The following ACTN1 variants were observed in gnomAD, a reference collection of about 807,000 sequenced individuals.
ACTN1 encodes the protein actinin alpha 1.
A neutral mutation model predicts 119.6 loss-of-function variants in ACTN1; 30 were observed. The observed-to-expected ratio is 0.25, with a 90% CI of 0.19 to 0.34. The LOEUF is 0.34. Among genes scored for constraint, ACTN1 ranks in the 10% least tolerant of loss-of-function variants. The pLI, the probability that ACTN1 is intolerant of heterozygous loss-of-function variation, is 1.00. For synonymous variants in ACTN1, 429 were observed against 472.6 expected, an observed-to-expected ratio of 0.91 and a Z score of 1.20; for missense variants, 764 against 1,223.4, an observed-to-expected ratio of 0.62 and a Z score of 5.60.
At chr14:68,889,715 T>A (rs1262373869) in intron 11 of ACTN1, among the ~76,000 whole-genome samples, 2 of 152,050 alleles carry the variant, frequency 1.3e-5, no homozygotes, top group Non-Finnish European at 1.5e-5. Flanking sequence ...ACCCACGAAG[T>A]GGAGGTTGCA....
At chr14:68,943,454 C>A (rs2035830751) in intron 1 of ACTN1, among the ~76,000 whole-genome samples, 1 of 152,212 alleles carries the variant, frequency 6.6e-6, no homozygotes, top group Non-Finnish European at 1.5e-5. Flanking sequence ...CTGTTGCCCA[C>A]CAGCACCGGG....
At chr14:68,952,421 G>A (rs1226940419) in intron 1 of ACTN1, among the ~76,000 whole-genome samples, 1 of 152,240 alleles carries the variant, frequency 6.6e-6, no homozygotes, top group Admixed American at 6.5e-5. Flanking sequence ...TCCAGCTGCT[G>A]GAGGCTGCCT....
intron 3 of ACTN1, among the ~76,000 whole-genome samples, chr14:68,917,569 G>A (rs1253142814): frequency 2.0e-5 from 3 of 152,052 alleles, no homozygotes; most frequent in Admixed American, 6.6e-5. Flanking sequence ...TTTTATAATC[G>A]ACATCAATAA....
chr14:68,937,014 C>T, intron 1 of ACTN1: 1 of 324,716 alleles, frequency 3.1e-6, no homozygotes, highest in South Asian at 2.5e-5. Context: ...TCTCCCCTAA[C>T]CATTTCAACT....
At chr14:68,930,086 T>A (rs529960404) in intron 1 of ACTN1, among the ~76,000 whole-genome samples, 2 of 152,246 alleles carry the variant, frequency 1.3e-5, no homozygotes, top group Non-Finnish European at 2.9e-5. Context: ...TGTGATATAC[T>A]TCCTTTAAAA....
At chr14:68,936,695 G>A (rs2035534930) in intron 1 of ACTN1, 1 of 634,234 alleles carries the variant, frequency 1.6e-6, no homozygotes, top group Non-Finnish European at 3.0e-6. Context: ...TGGGCAAGAA[G>A]CCGGAGGAAA....
At chr14:68,881,951 T>TG in intron 16 of ACTN1, among the ~76,000 whole-genome samples, 1 of 107,490 alleles carries the variant, frequency 9.3e-6, no homozygotes, top group Non-Finnish European at 1.7e-5. Context: ...TTTTTTTTTT[T>TG]TTTTGACAGA....
At chr14:68,932,490 A>G (rs1307928070) in intron 1 of ACTN1, among the ~76,000 whole-genome samples, 2 of 146,564 alleles carry the variant, frequency 1.4e-5, no homozygotes, top group Non-Finnish European at 3.0e-5. Context: ...GTCCCTCTAG[A>G]GAACCCTGAC....
At chr14:68,881,222 C>T (rs1015555259) in intron 16 of ACTN1, 3 of 448,808 alleles carry the variant, frequency 6.7e-6, no homozygotes, top group Non-Finnish European at 1.2e-5. Flanking sequence ...GGATGAAATA[C>T]CTACCAACTC....
chr14:68,875,247 G>T, intron 21 of ACTN1: 2 of 1,189,414 alleles, frequency 1.7e-6, no homozygotes, highest in Non-Finnish European at 2.3e-6. Flanking sequence ...TACCTACTTT[G>T]TAAGCCACTT....
intron 1 of ACTN1, among the ~76,000 whole-genome samples, chr14:68,941,796 T>C (rs1032519172): frequency 2.6e-5 from 4 of 152,070 alleles, no homozygotes; most frequent in Non-Finnish European, 4.4e-5. Context: ...CATCAAGGGA[T>C]CATGGGGGAC....
At chr14:68,895,630 C>T (rs1278589317) in intron 8 of ACTN1, among the ~76,000 whole-genome samples, 2 of 152,230 alleles carry the variant, frequency 1.3e-5, no homozygotes, top group Non-Finnish European at 2.9e-5. Context: ...GCCACTCAAA[C>T]AGCTGAAACC....
At position 68,874,844 on chromosome 14, in the gene ACTN1, G is replaced by A. The variant is rs1334227882; in HGVS notation, c.*15C>T. On this transcript the variant is annotated 3_prime_UTR_variant, in exon 22 of 22. Transcript: ENST00000394419. The stretch of plus-strand genomic sequence containing the variant: ...GGGCACGGCGCACAAGACGAGGGCG[G>A]CCGGGCGGGGTGGATTAGAGGTCAC... 1 of 1,554,682 alleles carries A rather than the reference G, an allele frequency of 6.4e-7. No homozygotes were observed. The highest frequency in any genetic ancestry group is 8.7e-7 in the Non-Finnish European group (1 of 1,143,422).
At chr14:68,932,300 C>T (rs1263449502) in intron 1 of ACTN1, among the ~76,000 whole-genome samples, 2 of 151,604 alleles carry the variant, frequency 1.3e-5, no homozygotes, top group Non-Finnish European at 2.9e-5. Flanking sequence ...ATCTCTCTCC[C>T]GTGCTGGATG....
chr14:68,903,531 C>T (rs1444711377), intron 7 of ACTN1, among the ~76,000 whole-genome samples: 2 of 140,236 alleles, frequency 1.4e-5, no homozygotes, highest in East Asian at 3.0e-4. Flanking sequence ...AGGGAGACCC[C>T]GTCTCAAAAA....
chr14:68,880,663 G>T lies in ACTN1; in HGVS notation c.2133+147C>A. 1 of 761,282 alleles carries T rather than the reference G, an allele frequency of 1.3e-6. No individual in the cohort carries two copies. The highest frequency in any genetic ancestry group is 1.8e-5 in the South Asian group (1 of 54,878). 47.2% of individuals were successfully genotyped at this position (761,282 alleles called of 1,614,324 possible). ...AACACATTCCTTGGGAAAGCAGAAG[G>T]TACTAAAAATTGAAGATGTGAGGCT... On this transcript the variant is annotated intron_variant, in intron 17 of 21. Coordinates refer to ENST00000394419, the MANE Select transcript of ACTN1 (RefSeq NM_001130004.2). The surrounding 1 kb of genome is among the most constrained non-coding windows in gnomAD (Gnocchi z 4.6).
At chr14:68,912,429 C>T (rs567346595) in intron 3 of ACTN1, among the ~76,000 whole-genome samples, 187 bp from the exon 4 acceptor site, 3 of 152,272 alleles carry the variant, frequency 2.0e-5, no homozygotes, top group Admixed American at 6.5e-5. Context: ...CCCAAGCTAG[C>T]GTGCAGTGGT....
intron 1 of ACTN1, among the ~76,000 whole-genome samples, chr14:68,962,862 T>C (rs376949679): frequency 2.2e-4 from 33 of 152,242 alleles, no homozygotes; most frequent in African/African-American, 6.5e-4. Flanking sequence ...ATCCTCTCAA[T>C]GTGTGGAGTC....
In ACTN1 at chr14:68,879,867, C is replaced by CT; in HGVS notation, c.2280+94dup. 1 of 1,525,650 alleles carries CT rather than the reference C, an allele frequency of 6.6e-7. No individual in the cohort carries two copies. The highest frequency in any genetic ancestry group is 8.9e-7 in the Non-Finnish European group (1 of 1,127,330). The allele number at this position is 1,525,650 out of a possible 1,614,324, so 94.5% of individuals were successfully genotyped here. Reference sequence around the variant, plus strand: ...AGTTTCCCCTTTCTCTCCCTCCTCACTTGCATGGCAGCCCACGTCCCGGGG... The same window carrying CT: ...AGTTTCCCCTTTCTCTCCCTCCTCACTTTGCATGGCAGCCCACGTCCCGGGG... On this transcript the variant is annotated intron_variant, in intron 18 of 21. Coordinates refer to ENST00000394419, the MANE Select transcript of ACTN1 (RefSeq NM_001130004.2). The surrounding 1 kb of genome is among the most constrained non-coding windows in gnomAD (Gnocchi z 4.9).
Sources: allele counts gnomAD v4.1 joint callset (sites outside exome capture counted in the v4.1 genomes callset), GRCh38; gene constraint gnomAD v4.1.1; non-coding constraint Gnocchi (gnomAD v3.1); transcripts MANE v1.5; gene names NCBI Gene and HGNC (gene_info 2026-07-23, HGNC 2026-07-21).